Variants in KCNIP4 observed in about 807,000 individuals in gnomAD.
KCNIP4 encodes Kv channel-interacting protein 4.
Under a neutral mutation model 34.0 loss-of-function variants are expected in KCNIP4, and 12 were observed. The ratio of observed to expected loss-of-function variants is 0.35; its 90% CI spans 0.23 to 0.57. The LOEUF is 0.57. Ranked by LOEUF, KCNIP4 falls within the 20% of genes least tolerant of loss-of-function variation. The pLI, the probability that KCNIP4 is intolerant of heterozygous loss-of-function variation, is 0.83. For synonymous variants in KCNIP4, 124 were observed against 102.2 expected, an observed-to-expected ratio of 1.21 and a Z score of -1.29; for missense variants, 238 against 311.7, an observed-to-expected ratio of 0.76 and a Z score of 1.78.
chr4:21,795,693 A>G (rs1720575528), intron 1 of KCNIP4, among the ~76,000 whole-genome samples: 1 of 151,978 alleles, frequency 6.6e-6, no homozygotes. Context: ...AGTATAGTTT[A>G]GTAAAAAGAG....
intron 1 of KCNIP4, among the ~76,000 whole-genome samples, chr4:20,919,467 G>A (rs1729173573): frequency 6.6e-6 from 1 of 151,722 alleles, no homozygotes; most frequent in Non-Finnish European, 1.5e-5. Flanking sequence ...ACTTCGGGAG[G>A]CCGAGGCGGG....
intron 1 of KCNIP4, among the ~76,000 whole-genome samples, chr4:21,291,120 T>C (rs963502354): frequency 2.0e-5 from 3 of 152,170 alleles, no homozygotes; most frequent in Non-Finnish European, 2.9e-5. Context: ...TTATTCTTTA[T>C]CCAGTGCCCT....
intron 1 of KCNIP4, among the ~76,000 whole-genome samples, chr4:21,935,498 A>C (rs746126517): frequency 2.0e-5 from 3 of 151,758 alleles, no homozygotes; most frequent in Non-Finnish European, 4.4e-5. Context: ...CTCCCCACTA[A>C]ATGCTTCTTC....
intron 1 of KCNIP4, among the ~76,000 whole-genome samples, chr4:20,911,688 C>T (rs1395860940): frequency 1.3e-5 from 2 of 152,182 alleles, no homozygotes; most frequent in East Asian, 3.9e-4. Flanking sequence ...TTCCTTTTCG[C>T]TGTTATAAAT....
rs1748110174 is a variant in KCNIP4 at position 21,103,229 on chromosome 4, T to C, written c.62-220520A>G. 2.0e-5 allele frequency among the ~76,000 whole-genome samples: 3 copies of C among 150,588 alleles called. No individual in the cohort carries two copies. The South Asian group carries it at 6.2e-4, about 31-fold the overall frequency. On this transcript the variant is annotated intron_variant, in intron 1 of 8. Coordinates refer to ENST00000382152, the MANE Select transcript of KCNIP4 (RefSeq NM_025221.6). The stretch of plus-strand genomic sequence containing the variant: ...TAAGGTTTCTCTGAGATTCAGTTTC[T>C]TGATCCATCAAAGTTAAGTAAATTT...
intron 1 of KCNIP4, among the ~76,000 whole-genome samples, chr4:21,360,993 A>G (rs1340283043): frequency 2.0e-5 from 3 of 151,992 alleles, no homozygotes; most frequent in African/African-American, 7.3e-5. Context: ...AACTGGCTCA[A>G]ATATGTGTTT....
intron 1 of KCNIP4, among the ~76,000 whole-genome samples, chr4:21,330,285 A>G (rs996652141): frequency 4.6e-5 from 7 of 152,212 alleles, no homozygotes; most frequent in Non-Finnish European, 7.4e-5. Flanking sequence ...ATTATAGCAT[A>G]AATTGATCAG....
intron 1 of KCNIP4, among the ~76,000 whole-genome samples, chr4:21,894,734 T>A (rs1727287308): frequency 2.6e-5 from 4 of 152,238 alleles, no homozygotes. Context: ...TGCTAAGGTA[T>A]GAACTTGCCA....
chr4:21,566,609 C>T (rs1739910930), intron 1 of KCNIP4, among the ~76,000 whole-genome samples: 1 of 152,148 alleles, frequency 6.6e-6, no homozygotes, highest in Non-Finnish European at 1.5e-5. Context: ...CCAATTAAAC[C>T]TTCTTTCTTT....
intron 2 of KCNIP4, among the ~76,000 whole-genome samples, chr4:20,864,351 T>A (rs1444788818): frequency 6.6e-6 from 1 of 151,188 alleles, no homozygotes; most frequent in Non-Finnish European, 1.5e-5. Flanking sequence ...CATGTATGTA[T>A]AACATGTATA....
At chr4:20,943,516 T>C (rs1378505433) in intron 1 of KCNIP4, among the ~76,000 whole-genome samples, 1 of 152,232 alleles carries the variant, frequency 6.6e-6, no homozygotes, top group Non-Finnish European at 1.5e-5. Context: ...TATTGCTGAA[T>C]GCTTATTATG....
rs192197379 is a variant in KCNIP4 at position 20,896,200 on chromosome 4, A to C, written c.62-13491T>G. On this transcript the variant is annotated intron_variant, in intron 1 of 8. Coordinates refer to ENST00000382152, the MANE Select transcript of KCNIP4 (RefSeq NM_025221.6). Reference sequence around the variant, plus strand: ...TTGCCAGTTTCCTCTGTTGCCTATCACACCCAACGCTAAGAGACAAGTCAA... The same window carrying C: ...TTGCCAGTTTCCTCTGTTGCCTATCCCACCCAACGCTAAGAGACAAGTCAA... Among the ~76,000 whole-genome samples, 351 of 152,232 alleles carry C rather than the reference A, an allele frequency of 2.3e-3. 9 individuals are homozygous for C. Among genetic ancestry groups the C allele is most frequent in the Middle Eastern group, 0.014 (4 of 294 alleles).
At chr4:21,747,926 T>C (rs998684264) in intron 1 of KCNIP4, among the ~76,000 whole-genome samples, 34 of 151,942 alleles carry the variant, frequency 2.2e-4, no homozygotes, top group African/African-American at 7.2e-4. Context: ...GAAGAAGCCA[T>C]GTGGAGTCAG....
chr4:21,366,878 C>T (rs1325699666), intron 1 of KCNIP4, among the ~76,000 whole-genome samples: 1 of 152,048 alleles, frequency 6.6e-6, no homozygotes, highest in East Asian at 1.9e-4. Context: ...TTGTCATGGT[C>T]TAAATGTATT....
intron 1 of KCNIP4, among the ~76,000 whole-genome samples, chr4:21,697,149 T>C (rs1358672913): frequency 6.6e-6 from 1 of 151,844 alleles, no homozygotes; most frequent in Non-Finnish European, 1.5e-5. Context: ...AATACATCCA[T>C]AGAAGTCAGT....
intron 1 of KCNIP4, among the ~76,000 whole-genome samples, chr4:20,890,409 A>G (rs1361546414): frequency 6.6e-6 from 1 of 152,116 alleles, no homozygotes; most frequent in East Asian, 1.9e-4. Flanking sequence ...TTCATTAGAG[A>G]TATATTTGGG....
intron 1 of KCNIP4, among the ~76,000 whole-genome samples, chr4:20,890,946 G>C (rs1019192754): frequency 6.6e-6 from 1 of 152,078 alleles, no homozygotes; most frequent in Non-Finnish European, 1.5e-5. Context: ...GCTGCTTTTT[G>C]TGTTACACAG....
intron 1 of KCNIP4, among the ~76,000 whole-genome samples, chr4:21,714,790 TTTTA>T: frequency 0.016 from 4 of 258 alleles, no homozygotes; most frequent in African/African-American, 0.088. Context: ...CCTTTGATTA[TTTTA>T]TTTTATTTTA....
At chr4:20,864,216 A>G (rs896418211) in intron 2 of KCNIP4, among the ~76,000 whole-genome samples, 3 of 147,376 alleles carry the variant, frequency 2.0e-5, no homozygotes, top group African/African-American at 7.6e-5. Flanking sequence ...ACATGCATGT[A>G]TATATGCATA....
Sources: gnomAD v4.1 joint callset for allele counts (sites outside exome capture counted in the v4.1 genomes callset) on GRCh38, gnomAD v4.1.1 for gene constraint, MANE v1.5 for transcripts, NCBI Gene and HGNC (gene_info 2026-07-23, HGNC 2026-07-21) for gene names.